Variants in CA10 observed in about 807,000 individuals in gnomAD.
The protein encoded by CA10 is carbonic anhydrase 10 (inactive), also known as carbonic anhydrase-related protein 10.
CA10 carries 14 observed loss-of-function variants against 44.2 expected under a neutral mutation model. That is an observed-to-expected ratio of 0.32 (90% confidence interval 0.21 to 0.50). The LOEUF (loss-of-function observed/expected upper bound fraction) is 0.50. CA10 is among the 20% of genes least tolerant of loss of function. CA10 has a pLI of 0.99. For synonymous variants in CA10, 159 were observed against 141.6 expected (o/e 1.12, Z -0.87); for missense variants, 350 against 409.7 (o/e 0.85, Z 1.26).
At chr17:51,756,377 C>A (rs927911304) in intron 3 of CA10, among the ~76,000 whole-genome samples, 1 of 152,040 alleles carries the variant, frequency 6.6e-6, no homozygotes, top group Non-Finnish European at 1.5e-5. Context: ...AATTCTAGCC[C>A]AGGCCTATTT....
chr17:52,075,205 A>G (rs1049637672), intron 1 of CA10, among the ~76,000 whole-genome samples: 2 of 152,232 alleles, frequency 1.3e-5, no homozygotes, highest in Non-Finnish European at 2.9e-5. Flanking sequence ...AACATAATGT[A>G]AAACAAAATA....
At chr17:51,874,294 C>G (rs980799333) in intron 3 of CA10, among the ~76,000 whole-genome samples, 2 of 151,596 alleles carry the variant, frequency 1.3e-5, no homozygotes, top group Non-Finnish European at 2.9e-5. Flanking sequence ...TCATTTATGC[C>G]CATTCTTAGT....
At chr17:52,099,579 G>T (rs2970016) in intron 1 of CA10, among the ~76,000 whole-genome samples, 1 of 151,988 alleles carries the variant, frequency 6.6e-6, no homozygotes, top group Non-Finnish European at 1.5e-5. Flanking sequence ...TTGGATCATG[G>T]TAAGTTTCAG....
At chr17:51,998,180 A>G (rs1024437413) in intron 2 of CA10, among the ~76,000 whole-genome samples, 1 of 152,078 alleles carries the variant, frequency 6.6e-6, no homozygotes, top group Admixed American at 6.6e-5. Context: ...TTACAGAACC[A>G]TGTCCTTTGT....
intron 3 of CA10, among the ~76,000 whole-genome samples, chr17:51,789,494 A>G (rs903491038): frequency 1.3e-5 from 2 of 152,194 alleles, no homozygotes; most frequent in Non-Finnish European, 2.9e-5. Flanking sequence ...CAGCTTCTCC[A>G]AGGCCACCTC....
intron 3 of CA10, among the ~76,000 whole-genome samples, chr17:51,759,098 T>A (rs1905149288): frequency 6.6e-6 from 1 of 152,184 alleles, no homozygotes; most frequent in South Asian, 2.1e-4. Flanking sequence ...CCCACTAGCA[T>A]GTGGAGAGCC....
At chr17:51,692,924 T>C (rs912481607) in intron 4 of CA10, among the ~76,000 whole-genome samples, 1 of 152,202 alleles carries the variant, frequency 6.6e-6, no homozygotes, top group Non-Finnish European at 1.5e-5. Flanking sequence ...TTGTTTCCAC[T>C]GGTTTTGAAT....
chr17:51,754,248 C>T (rs1025556649), intron 3 of CA10, among the ~76,000 whole-genome samples: 3 of 150,420 alleles, frequency 2.0e-5, no homozygotes, highest in Non-Finnish European at 3.0e-5. Flanking sequence ...TTTAGGATTA[C>T]TTACTGTTTA....
At chr17:52,057,047 C>T (rs1246772365) in intron 2 of CA10, among the ~76,000 whole-genome samples, 1 of 152,100 alleles carries the variant, frequency 6.6e-6, no homozygotes, top group African/African-American at 2.4e-5. Context: ...TGGAACAAAA[C>T]TCATGTAGCT....
rs1446946444 is a variant in CA10 at position 52,108,192 on chromosome 17, TTTTA to T, written c.62-35803_62-35800del. On this transcript the variant is annotated intron_variant, in intron 1 of 8. Transcript: ENST00000451037. Reference sequence around the variant, plus strand: ...TTTAATATATTTTTATATATATATTTTTTATATATATATATATATATATATATAT... The same window carrying T: ...TTTAATATATTTTTATATATATATTTTATATATATATATATATATATATAT... Among the ~76,000 whole-genome samples, 201 of 113,110 alleles carry T rather than the reference TTTTA, an allele frequency of 1.8e-3. 1 individual carries two copies. The highest frequency in any genetic ancestry group is 2.4e-3 in the Admixed American group (28 of 11,798). The allele number at this position is 113,110 out of a possible 152,430, so 74.2% of individuals were successfully genotyped here.
chr17:51,991,839 T>C (rs1280789458), intron 2 of CA10, among the ~76,000 whole-genome samples: 1 of 152,088 alleles, frequency 6.6e-6, no homozygotes, highest in Non-Finnish European at 1.5e-5. Context: ...CTTTTGTTGA[T>C]GCTAGGCATT....
chr17:51,897,690 A>G (rs1981131841), intron 3 of CA10, among the ~76,000 whole-genome samples: 1 of 152,134 alleles, frequency 6.6e-6, no homozygotes, highest in African/African-American at 2.4e-5. Flanking sequence ...ATTCATCTAT[A>G]CATGAGCATA....
chr17:51,781,643 A>C (rs1165731677), intron 3 of CA10, among the ~76,000 whole-genome samples: 1 of 152,220 alleles, frequency 6.6e-6, no homozygotes, highest in African/African-American at 2.4e-5. Context: ...CAGAAACACA[A>C]TAGGACTCAA....
At chr17:52,042,264 CTT>C (rs909029357) in intron 2 of CA10, among the ~76,000 whole-genome samples, 45 of 152,114 alleles carry the variant, frequency 3.0e-4, no homozygotes, top group African/African-American at 1.0e-3. Context: ...TTTGTTATCT[CTT>C]GTCTTTTTCA....
intron 3 of CA10, among the ~76,000 whole-genome samples, chr17:51,909,201 C>G (rs1439005383): frequency 6.6e-6 from 1 of 152,104 alleles, no homozygotes; most frequent in Non-Finnish European, 1.5e-5. Flanking sequence ...TTCCTAGCCT[C>G]TGTTAAAGAC....
At chr17:51,838,031 A>G (rs1329024464) in intron 3 of CA10, among the ~76,000 whole-genome samples, 2 of 152,196 alleles carry the variant, frequency 1.3e-5, no homozygotes, top group African/African-American at 2.4e-5. Context: ...TATCTTTCCA[A>G]CGTGTAATTA....
chr17:51,794,192 G>A lies in CA10; in HGVS notation c.280-46374C>T, dbSNP rs117703478. Among the ~76,000 whole-genome samples, 1,189 of 152,324 alleles carry A rather than the reference G, an allele frequency of 7.8e-3. 14 individuals carry two copies. The highest frequency in any genetic ancestry group is 0.011 in the Non-Finnish European group (753 of 68,030). On this transcript the variant is annotated intron_variant, in intron 3 of 8. Coordinates refer to ENST00000451037, the MANE Select transcript of CA10 (RefSeq NM_020178.5). ...TGAATATCACAAGAGGGAAAGGTGT[G>A]TTTTTAGTTGGTTTCTGGTTCCATT...
intron 3 of CA10, among the ~76,000 whole-genome samples, chr17:51,910,703 G>A (rs904481814): frequency 6.6e-6 from 1 of 152,108 alleles, no homozygotes; most frequent in Admixed American, 6.6e-5. Flanking sequence ...CACATCGATT[G>A]TTCAAAGGAA....
chr17:52,069,159 A>C (rs1159372987), intron 2 of CA10, among the ~76,000 whole-genome samples: 1 of 152,208 alleles, frequency 6.6e-6, no homozygotes, highest in Non-Finnish European at 1.5e-5. Flanking sequence ...TGCAAATGTT[A>C]ATCTGGTCTT....
Sources: gnomAD v4.1 joint callset for allele counts (sites outside exome capture counted in the v4.1 genomes callset) on GRCh38, gnomAD v4.1.1 for gene constraint, MANE v1.5 for transcripts, NCBI Gene and HGNC (gene_info 2026-07-23, HGNC 2026-07-21) for gene names.